The following PPM1E variants were observed in gnomAD, a reference collection of about 807,000 sequenced individuals.
PPM1E encodes the protein protein phosphatase 1E.
A neutral mutation model predicts 65.9 loss-of-function variants in PPM1E; 20 were observed. The ratio of observed to expected loss-of-function variants is 0.30; its 90% confidence interval spans 0.21 to 0.44. PPM1E has a LOEUF of 0.44. PPM1E is among the 20% of genes least tolerant of loss of function. The pLI is 1.00. For synonymous variants in PPM1E, 352 were observed against 374.9 expected, an observed-to-expected ratio of 0.94 and a Z score of 0.70; for missense variants, 713 against 953.1, an observed-to-expected ratio of 0.75 and a Z score of 3.32.
In PPM1E at chr17:58,981,002, G is replaced by C; in HGVS notation, c.2239G>C (p.Asp747His). ...AAAGACTCATGATATTCCATGCCCA[G>C]ATCTTCCTTGGAGCTATAAAATAGA... ...LRKTHDIPCP[D>H]LPWSYKIE is the part of the protein sequence containing the mutation. Residue 747 changes from aspartate (D) to histidine (H), a missense_variant, in exon 7 of 7, where the codon GAT becomes CAT. This residue lies in a region of PPM1E where 286 missense variants were observed against 313.8 expected (regional missense o/e 0.91). Transcript: ENST00000308249. 1 of 1,611,298 alleles carries C rather than the reference G, an allele frequency of 6.2e-7. No individual in the cohort carries two copies. The highest frequency in any genetic ancestry group is 8.5e-7 in the Non-Finnish European group (1 of 1,179,218).
At chr17:58,952,206 A>G (rs1380903136) in intron 1 of PPM1E, among the ~76,000 whole-genome samples, 1 of 152,062 alleles carries the variant, frequency 6.6e-6, no homozygotes, top group Admixed American at 6.5e-5. Context: ...CCATTGGACT[A>G]TTTCTTAGGT....
chr17:58,930,050 A>C (rs192016145), intron 1 of PPM1E, among the ~76,000 whole-genome samples: 1 of 152,076 alleles, frequency 6.6e-6, no homozygotes, highest in African/African-American at 2.4e-5. Flanking sequence ...TACTACCCTG[A>C]ACGTGCCTGA....
At chr17:58,791,952 C>T (rs1428744415) in intron 1 of PPM1E, among the ~76,000 whole-genome samples, 1 of 152,112 alleles carries the variant, frequency 6.6e-6, no homozygotes, top group Non-Finnish European at 1.5e-5. Flanking sequence ...GACTGATTCT[C>T]CTCTAAGGTT....
At chr17:58,784,498 C>G (rs1053292847) in intron 1 of PPM1E, among the ~76,000 whole-genome samples, 3 of 148,166 alleles carry the variant, frequency 2.0e-5, no homozygotes, top group African/African-American at 7.3e-5. Context: ...CTCCTCCCCC[C>G]CACCACTTTT....
At chr17:58,889,744 T>C (rs146686195) in intron 1 of PPM1E, among the ~76,000 whole-genome samples, 570 of 152,384 alleles carry the variant, frequency 3.7e-3, no homozygotes, top group Non-Finnish European at 5.7e-3. Flanking sequence ...TCTACTCTTA[T>C]GTGGTTGCAA....
At chr17:58,920,898 A>C (rs1010842185) in intron 1 of PPM1E, among the ~76,000 whole-genome samples, 1 of 152,216 alleles carries the variant, frequency 6.6e-6, no homozygotes, top group African/African-American at 2.4e-5. Flanking sequence ...TTTAGAGATC[A>C]GGAAAAGAGA....
chr17:58,871,244 T>G (rs938176555), intron 1 of PPM1E, among the ~76,000 whole-genome samples: 1 of 152,138 alleles, frequency 6.6e-6, no homozygotes, highest in Non-Finnish European at 1.5e-5. Flanking sequence ...CTCACTGTGT[T>G]GCCCAGGTTA....
At chr17:58,858,049 G>A (rs866465641) in intron 1 of PPM1E, among the ~76,000 whole-genome samples, 2 of 152,028 alleles carry the variant, frequency 1.3e-5, no homozygotes, top group Middle Eastern at 3.2e-3. Context: ...CATAAAAAAC[G>A]TCATTGTTAC....
chr17:58,854,372 T>A (rs2050859562), intron 1 of PPM1E, among the ~76,000 whole-genome samples: 1 of 152,170 alleles, frequency 6.6e-6, no homozygotes, highest in Non-Finnish European at 1.5e-5. Flanking sequence ...TAATTTTACT[T>A]TTTCCTTGCC....
chr17:58,765,877 C>CTTT (rs35401844), intron 1 of PPM1E, among the ~76,000 whole-genome samples: 4 of 122,862 alleles, frequency 3.3e-5, no homozygotes, highest in Non-Finnish European at 3.4e-5. Flanking sequence ...TTTGTAGTTT[C>CTTT]TTTTTTTTTT....
chr17:58,828,608 G>A (rs893470658), intron 1 of PPM1E, among the ~76,000 whole-genome samples: 3 of 152,104 alleles, frequency 2.0e-5, no homozygotes, highest in Admixed American at 2.0e-4. Flanking sequence ...GGGATTACAG[G>A]CATGCACCAC....
chr17:58,883,362 GT>G (rs1344756850), intron 1 of PPM1E, among the ~76,000 whole-genome samples: 2 of 150,634 alleles, frequency 1.3e-5, no homozygotes, highest in Non-Finnish European at 3.0e-5. Flanking sequence ...TTTTCCTAAT[GT>G]TTTCTTCTGC....
chr17:58,833,620 C>T lies in PPM1E; in HGVS notation c.464+77159C>T, dbSNP rs189255990. On this transcript the variant is annotated intron_variant, in intron 1 of 6. Coordinates refer to ENST00000308249, the MANE Select transcript of PPM1E (RefSeq NM_014906.5). ...GTATATGCACCACATTTTCTTTATCCAGACCACATCTGATGGGCATCTAGG... is the reference window on the plus strand; with the variant it reads ...GTATATGCACCACATTTTCTTTATCTAGACCACATCTGATGGGCATCTAGG... Among the ~76,000 whole-genome samples the T allele has an allele frequency of 3.5e-4, 53 of 152,046 alleles. No homozygotes were observed. The East Asian group carries it at 8.9e-3, about 26-fold the overall frequency.
chr17:58,868,302 G>T (rs2051028449), intron 1 of PPM1E, among the ~76,000 whole-genome samples: 1 of 152,120 alleles, frequency 6.6e-6, no homozygotes, highest in African/African-American at 2.4e-5. Flanking sequence ...CTGGGTGACA[G>T]AATGAGACCC....
chr17:58,952,879 T>C (rs1013769872), intron 1 of PPM1E, among the ~76,000 whole-genome samples: 3 of 152,148 alleles, frequency 2.0e-5, no homozygotes, highest in African/African-American at 7.2e-5. Flanking sequence ...TTTCACCATG[T>C]AGGCCAGGCT....
At chr17:58,909,924 CTTT>C (rs35833275) in intron 1 of PPM1E, among the ~76,000 whole-genome samples, 17 of 90,036 alleles carry the variant, frequency 1.9e-4, no homozygotes, top group African/African-American at 6.6e-4. Flanking sequence ...TTTTCTTTTT[CTTT>C]TTTTTTTTTT....
At chr17:58,838,479 A>G (rs2050685142) in intron 1 of PPM1E, among the ~76,000 whole-genome samples, 1 of 152,230 alleles carries the variant, frequency 6.6e-6, no homozygotes, top group South Asian at 2.1e-4. Flanking sequence ...ATGAGATACC[A>G]TTAAAGTCTG....
intron 1 of PPM1E, among the ~76,000 whole-genome samples, chr17:58,822,222 T>C (rs188745541): frequency 2.0e-5 from 3 of 152,286 alleles, no homozygotes; most frequent in Admixed American, 2.0e-4. Context: ...CACTGAAGCA[T>C]AGCATTGAAT....
chr17:58,930,250 T>TATAC (rs1555620517), intron 1 of PPM1E, among the ~76,000 whole-genome samples: 9,779 of 143,170 alleles, frequency 0.068, 428 homozygotes, highest in South Asian at 0.23. Flanking sequence ...TAAATGTATA[T>TATAC]ACACACACAC....
Sources: gnomAD v4.1 joint callset for allele counts (sites outside exome capture counted in the v4.1 genomes callset) on GRCh38, gnomAD v4.1.1 for gene constraint, gnomAD v4.1.1 regional missense constraint, MANE v1.5 for transcripts, NCBI Gene and HGNC (gene_info 2026-07-23, HGNC 2026-07-21) for gene names.